Variants in RNF213 observed in about 807,000 individuals in gnomAD.
The protein encoded by RNF213 is E3 ubiquitin-protein ligase RNF213.
Under a neutral mutation model 514.4 loss-of-function variants are expected in RNF213, and 341 were observed. The ratio of observed to expected loss-of-function variants is 0.66; its 90% CI spans 0.61 to 0.73. The LOEUF (loss-of-function observed/expected upper bound fraction) is 0.73, where lower values mean the gene tolerates loss of function less well. Among genes scored for constraint, RNF213 ranks in the 30% least tolerant of loss-of-function variants. The pLI is 0.00. For synonymous variants in RNF213, 2,655 were observed against 2,658.2 expected (o/e 1.00, Z 0.04); for missense variants, 5,767 against 6,615.6 (o/e 0.87, Z 4.45).
chr17:80,301,767 C>T (rs1471720534), intron 11 of RNF213, among the ~76,000 whole-genome samples: 2 of 152,190 alleles, frequency 1.3e-5, no homozygotes, highest in Admixed American at 1.3e-4. Context: ...CTGTATGATC[C>T]AGCAATCGTA....
In RNF213 at chr17:80,290,634, T is replaced by C; in HGVS notation, c.1177T>C (p.Phe393Leu). ...CGCCATCATCTCTCTTCATTTCCCATTCAATCCTGACCTCCATAAAGTCTT... is the reference window on the plus strand; with the variant it reads ...CGCCATCATCTCTCTTCATTTCCCACTCAATCCTGACCTCCATAAAGTCTT... ...FHAIISLHFP[F>L]NPDLHKVFIR... Residue 393 changes from phenylalanine (F) to leucine (L), a missense_variant, in exon 7 of 68, where the codon TTC (phenylalanine) becomes CTC (leucine). Transcript: ENST00000582970. 1 of 1,614,144 alleles carries C rather than the reference T, an allele frequency of 6.2e-7. No homozygotes were observed. Among genetic ancestry groups the C allele is most frequent in the East Asian group, 2.2e-5 (1 of 44,886 alleles).
At position 80,368,157 on chromosome 17, in the gene RNF213, T is replaced by C; in HGVS notation, c.12155+14T>C. Reference sequence around the variant, plus strand: ...CCAAGCGCACAGGTACAACACCCTTTCTCTCAAGAAAGCATCCTTTTTTTC... The same window carrying C: ...CCAAGCGCACAGGTACAACACCCTTCCTCTCAAGAAAGCATCCTTTTTTTC... On this transcript the variant is annotated intron_variant, in intron 44 of 67. Transcript: ENST00000582970. 1 of 1,613,664 alleles carries C rather than the reference T, an allele frequency of 6.2e-7. No homozygotes were observed. Among genetic ancestry groups the C allele is most frequent in the Non-Finnish European group, 8.5e-7 (1 of 1,179,516 alleles).
Position 80,380,845 on chromosome 17 carries a change from G to A in RNF213, c.13655G>A (p.Arg4552Lys), listed in dbSNP as rs1188978028. ...GTTCTTTCCAGAGACAAGGCAGACA[G>A]AACGCAGACCGGCCACGTGCTGGGC... ...GFHLVKDKADRTQTGHVLGNP... is the reference protein window; with the variant it reads ...GFHLVKDKADKTQTGHVLGNP... Residue 4552 changes from arginine (R) to lysine (K), a missense_variant, in exon 56 of 68, where the codon AGA becomes AAA. Transcript: ENST00000582970. The A allele has an allele frequency of 3.1e-6, 5 of 1,614,090 alleles. No individual in the cohort carries two copies. The African/African-American group carries it at 6.7e-5, about 22-fold the overall frequency.
intron 15 of RNF213, among the ~76,000 whole-genome samples, chr17:80,315,220 T>A (rs149179590): frequency 6.0e-5 from 1 of 16,548 alleles, no homozygotes; most frequent in Non-Finnish European, 1.1e-4. Context: ...ATGGTGGTGG[T>A]GGTGGTGGAG....
rs769893251 is a variant in RNF213 at position 80,347,340 on chromosome 17, A to G, written c.9005A>G (p.Asn3002Ser). ...DIQALDIFLA[N>S]LPEAKCSEEV... is the part of the protein sequence containing the mutation. ...CAAGCTTTGGACATCTTTCTGGCCA[A>G]TTTGCCCGAGGCCAAGTGCTCAGAG... The change falls in exon 29 of 68, where the codon AAT (asparagine) becomes AGT (serine). Residue 3002 changes from asparagine to serine, a missense_variant. Around this residue, in one of 13 missense-constraint regions of RNF213, gnomAD observed 919 missense variants for 1,121.0 expected, o/e 0.82. Coordinates refer to ENST00000582970, the MANE Select transcript of RNF213 (RefSeq NM_001256071.3). The surrounding 1 kb of genome is among the most constrained non-coding windows in gnomAD (Gnocchi z 7.2). The G allele has an allele frequency of 2.5e-6, 4 of 1,613,858 alleles. No individual in the cohort carries two copies. The highest frequency in any genetic ancestry group is 2.2e-5 in the South Asian group (2 of 91,070).
intron 23 of RNF213, 27 bp downstream of exon 23, chr17:80,336,405 G>A (rs976893227): frequency 1.3e-6 from 2 of 1,530,308 alleles, no homozygotes; most frequent in Middle Eastern, 1.7e-4. Context: ...CTCTAATGCA[G>A]ATTTTGTTGA....
At position 80,373,014 on chromosome 17, in the gene RNF213, A is replaced by G. The variant is rs2079577392; in HGVS notation, c.12791A>G (p.Lys4264Arg). 2 of 1,613,946 alleles carry G rather than the reference A, an allele frequency of 1.2e-6. No individual in the cohort carries two copies. Among genetic ancestry groups the G allele is most frequent in the African/African-American group, 1.3e-5 (1 of 74,900 alleles). Residue 4264 changes from lysine (K) to arginine (R), a missense_variant, in exon 49 of 68, where the codon AAG becomes AGG. By Grantham distance (26) the Lys-to-Arg change is conservative. Coordinates refer to ENST00000582970, the MANE Select transcript of RNF213 (RefSeq NM_001256071.3). ...AAGCAGTGCTACCTGCAGCAAGTCA[A>G]GCAGTTCTGTATCCGGGTGGAGAAC... ...KEKQCYLQQV[K>R]QFCIRVENDW...
In RNF213 at chr17:80,298,469, G is replaced by T. The variant is rs765912590; in HGVS notation, c.2161G>T (p.Ala721Ser). 1 of 1,614,164 alleles carries T rather than the reference G, an allele frequency of 6.2e-7. No individual in the cohort carries two copies. Among genetic ancestry groups the T allele is most frequent in the Admixed American group, 1.7e-5 (1 of 60,012 alleles). Residue 721 changes from alanine (A) to serine (S), a missense_variant, in exon 11 of 68, where the codon GCT becomes TCT. By Grantham distance (99) the Ala-to-Ser change is moderately conservative. Coordinates refer to ENST00000582970, the MANE Select transcript of RNF213 (RefSeq NM_001256071.3). ...AWRQPEDTWA[A>S]LEGLSFSPFR... The stretch of plus-strand genomic sequence containing the variant: ...GAGACAGCCTGAGGACACCTGGGCC[G>T]CTCTGGAGGGACTCTCCTTCTCACC...
Position 80,393,529 on chromosome 17 carries a change from T to G in RNF213, c.*31T>G. 1.2e-6 allele frequency: 2 copies of G among 1,612,342 alleles called. No individual in the cohort carries two copies. The highest frequency in any genetic ancestry group is 1.7e-6 in the Non-Finnish European group (2 of 1,179,088). Reference sequence around the variant, plus strand: ...TTTCCTCAGCTATCTTTGGATGACTTTGGAGAGAAGACTCCTCTCTCCTCG... The same window carrying G: ...TTTCCTCAGCTATCTTTGGATGACTGTGGAGAGAAGACTCCTCTCTCCTCG... On this transcript the variant is annotated 3_prime_UTR_variant, in exon 68 of 68. Coordinates refer to ENST00000582970, the MANE Select transcript of RNF213 (RefSeq NM_001256071.3).
chr17:80,298,507 A>G lies in RNF213; in HGVS notation c.2199A>G (p.Gln733=), dbSNP rs2045046932. 6.2e-7 allele frequency: 1 copy of G among 1,614,120 alleles called. No individual in the cohort carries two copies. Among genetic ancestry groups the G allele is most frequent in the African/African-American group, 1.3e-5 (1 of 75,038 alleles). Residue 733 remains glutamine (Q), a synonymous_variant, in exon 11 of 68, where the codon CAA becomes CAG. Transcript: ENST00000582970. Reference sequence around the variant, plus strand: ...TCTCCTTCTCACCGTTCCGGGAACAAATGCTAGATACGTAAGTCGTAGAGT... The same window carrying G: ...TCTCCTTCTCACCGTTCCGGGAACAGATGCTAGATACGTAAGTCGTAGAGT... The part of the protein sequence containing the change: ...EGLSFSPFRE[Q]MLDTSSLLQF...
Position 80,353,001 on chromosome 17 carries a change from G to A in RNF213, c.10365G>A (p.Val3455=). 6.2e-7 allele frequency: 1 copy of A among 1,613,890 alleles called. No homozygotes were observed. Among genetic ancestry groups the A allele is most frequent in the Non-Finnish European group, 8.5e-7 (1 of 1,180,044 alleles). The change falls in exon 33 of 68, where the codon GTG becomes GTA. Residue 3455 remains valine, a synonymous_variant. Transcript: ENST00000582970. The surrounding 1 kb of genome is among the most constrained non-coding windows in gnomAD (Gnocchi z 5.0). ...LRRSTLMVSD[V]TRLQHVTISQ... ...GATCCACCCTCATGGTTTCTGATGT[G>A]ACCAGGCTGCAGCATGTCACCATCA...
chr17:80,353,866 G>A lies in RNF213; in HGVS notation c.10579-153G>A, dbSNP rs1422786993. ...GGCATCTGCACCGGCAGTTTGGGGG[G>A]TGCAGGGCGGAGGTCGGCGTCTCTT... On this transcript the variant is annotated intron_variant, in intron 34 of 67. Transcript: ENST00000582970. The surrounding 1 kb of genome is among the most constrained non-coding windows in gnomAD (Gnocchi z 5.0). The A allele has an allele frequency of 6.7e-6, 8 of 1,201,000 alleles. No individual in the cohort carries two copies. In the African/African-American group the frequency reaches 1.1e-4, roughly 16 times the overall value. The allele number at this position is 1,201,000 out of a possible 1,614,324, so 74.4% of individuals were successfully genotyped here.
Position 80,334,120 on chromosome 17 carries a change from G to T in RNF213, c.4159G>T (p.Asp1387Tyr). The T allele has an allele frequency of 6.5e-7, 1 of 1,537,174 alleles. No homozygotes were observed. The highest frequency in any genetic ancestry group is 2.4e-5 in the East Asian group (1 of 40,900). The change falls in exon 22 of 68, where the codon GAC becomes TAC. Residue 1387 changes from aspartate (D) to tyrosine (Y), a missense_variant. Asp to Tyr is a radical substitution (Grantham distance 160, BLOSUM62 -3). This residue lies in a region of RNF213 where 516 missense variants were observed against 566.5 expected (regional missense o/e 0.91). Transcript: ENST00000582970. ...TLLNFTDNFD[D>Y]FRRETLDQIN... The stretch of plus-strand genomic sequence containing the variant: ...TTTCTTGCAGACTGATAACTTCGAC[G>T]ACTTTCGCCGTGAAACACTGGACCA...
chr17:80,379,127 AG>A (rs2144579407), intron 54 of RNF213, among the ~76,000 whole-genome samples: 1 of 152,258 alleles, frequency 6.6e-6, no homozygotes, highest in Admixed American at 6.5e-5. Context: ...GGGGAGGTCA[AG>A]GCTGTAGTGA....
chr17:80,298,811 CA>C (rs71365598), intron 11 of RNF213: 62,115 of 221,054 alleles, frequency 0.28, 2,960 homozygotes, highest in South Asian at 0.33. Flanking sequence ...CGAAAAATAC[CA>C]AAAAAAAAAA....
intron 46 of RNF213, among the ~76,000 whole-genome samples, chr17:80,370,381 G>T (rs2079468680): frequency 6.6e-6 from 1 of 152,190 alleles, no homozygotes; most frequent in African/African-American, 2.4e-5. Context: ...GGACCCTTGG[G>T]TGTGAGGTAG....
chr17:80,318,718 C>T (rs999334642), intron 16 of RNF213, among the ~76,000 whole-genome samples: 10 of 152,228 alleles, frequency 6.6e-5, no homozygotes, highest in East Asian at 5.8e-4. Flanking sequence ...GGACTACAGG[C>T]GCCCGCCACC....
rs908680125 is a variant in RNF213 at position 80,273,252 on chromosome 17, A to G, written c.109A>G (p.Asn37Asp). The change falls in exon 3 of 68, where the codon AAT (asparagine) becomes GAT (aspartate). Residue 37 changes from asparagine to aspartate, a missense_variant. Coordinates refer to ENST00000582970, the MANE Select transcript of RNF213 (RefSeq NM_001256071.3). ...ATCTGCCGTTACAGATTCTGAGAAC[A>G]ATAACTCCACAATGGCGTCGGCCTC... ...PAAPIADSEN[N>D]NSTMASASEG... 35 of 1,613,622 alleles carry G rather than the reference A, an allele frequency of 2.2e-5. No homozygotes were observed. The highest frequency in any genetic ancestry group is 2.5e-5 in the Non-Finnish European group (30 of 1,179,976).
rs2079577103 is a variant in RNF213 at position 80,373,004 on chromosome 17, C to T, written c.12781C>T (p.Gln4261Ter). 1.2e-6 allele frequency: 2 copies of T among 1,613,952 alleles called. No homozygotes were observed. Among genetic ancestry groups the T allele is most frequent in the Non-Finnish European group, 1.7e-6 (2 of 1,179,980 alleles). ...EMAKEKQCYL[Q>*]QVKQFCIRVE... ...GGCCAAGGAGAAGCAGTGCTACCTG[C>T]AGCAAGTCAAGCAGTTCTGTATCCG... is the stretch of plus-strand genomic sequence containing the variant. Residue 4261 changes from glutamine (Q) to a stop codon, truncating the protein, a stop_gained, in exon 49 of 68, where the codon CAG becomes TAG. Transcript: ENST00000582970. LOFTEE classifies it high-confidence loss of function.
Sources: allele counts gnomAD v4.1 joint callset (sites outside exome capture counted in the v4.1 genomes callset), GRCh38; gene constraint gnomAD v4.1.1; regional missense constraint gnomAD v4.1.1; non-coding constraint Gnocchi (gnomAD v3.1); transcripts MANE v1.5; gene names NCBI Gene and HGNC (gene_info 2026-07-23, HGNC 2026-07-21).